Variants in ERG observed in about 807,000 individuals in gnomAD.
The protein encoded by ERG is transcriptional regulator ERG.
In ERG, 9 loss-of-function variants were observed where a neutral mutation model predicts 55.3. The ratio of observed to expected loss-of-function variants is 0.16; its 90% CI spans 0.10 to 0.28. The LOEUF (loss-of-function observed/expected upper bound fraction) is 0.28, where lower values mean the gene tolerates loss of function less well. ERG is among the 10% of genes least tolerant of loss of function. The pLI is 1.00. For missense variants in ERG, 434 were observed against 631.6 expected, an observed-to-expected ratio of 0.69 and a Z score of 3.35; for synonymous variants, 223 against 237.3, an observed-to-expected ratio of 0.94 and a Z score of 0.55.
Position 38,402,578 on chromosome 21 carries a change from A to G in ERG, c.652T>C (p.Leu218=), listed in dbSNP as rs1988548114. 1 of 1,612,842 alleles carries G rather than the reference A, an allele frequency of 6.2e-7. No individual in the cohort carries two copies. Residue 218 remains leucine (L), a synonymous_variant, in exon 5 of 10, where the codon TTA becomes CTA. Transcript: ENST00000288319. ...TTACCTGTGTTTCTAGCATGCATTA[A>G]CCGTGGAGAGTTTTGTAAGGCTTTA... ...VDKALQNSPR[L]MHARNTGGAA...
intron 1 of ERG, among the ~76,000 whole-genome samples, chr21:38,652,827 C>A (rs2060496093): frequency 6.6e-6 from 1 of 152,210 alleles, no homozygotes; most frequent in South Asian, 2.1e-4. Context: ...GCCATGCTGG[C>A]CCAGTTCAAC....
At chr21:38,403,784 G>A (rs558915834) in intron 3 of ERG, 75 bp from the exon 4 acceptor site, 43 of 1,420,214 alleles carry the variant, frequency 3.0e-5, no homozygotes, top group South Asian at 2.5e-4. Context: ...CCCCATCCAC[G>A]TGGGATTTCT....
intron 1 of ERG, among the ~76,000 whole-genome samples, chr21:38,459,439 G>A (rs887153331): frequency 2.6e-5 from 4 of 152,234 alleles, no homozygotes; most frequent in African/African-American, 7.2e-5. Context: ...CAATCTGAGG[G>A]CATGGTTGCC....
At chr21:38,372,615 A>G in the ERG span, among the ~76,000 whole-genome samples, 1 of 151,970 alleles carries the variant, frequency 6.6e-6, no homozygotes, top group African/African-American at 2.4e-5. Flanking sequence ...AAATTTTTCT[A>G]CTTAACTTTT....
At chr21:38,429,744 T>C (rs77000871) in intron 2 of ERG, among the ~76,000 whole-genome samples, 38,269 of 107,484 alleles carry the variant, frequency 0.36, 8,946 homozygotes, top group Middle Eastern at 0.46. Context: ...TGTATATATA[T>C]ATACACACAC....
intron 1 of ERG, among the ~76,000 whole-genome samples, chr21:38,447,308 A>G (rs547807311): frequency 2.1e-4 from 32 of 151,980 alleles, no homozygotes; most frequent in Non-Finnish European, 4.0e-4. Context: ...CCTGGACTCC[A>G]TAAGTATCTG....
chr21:38,607,123 G>C (rs996466309), intron 1 of ERG, among the ~76,000 whole-genome samples: 18 of 152,118 alleles, frequency 1.2e-4, no homozygotes, highest in Non-Finnish European at 2.1e-4. Flanking sequence ...CGCCAGAAGG[G>C]AATAAAATAA....
At chr21:38,645,835 G>C (rs1184626444) in intron 1 of ERG, among the ~76,000 whole-genome samples, 2 of 152,188 alleles carry the variant, frequency 1.3e-5, no homozygotes, top group Non-Finnish European at 2.9e-5. Context: ...GCTCTGTATA[G>C]CCGACTTGTT....
downstream of ERG, among the ~76,000 whole-genome samples, chr21:38,376,674 C>T (rs949390456): frequency 5.3e-5 from 8 of 152,378 alleles, no homozygotes; most frequent in Admixed American, 1.3e-4. Flanking sequence ...TCCTCTGACC[C>T]TAAGCATCAG....
chr21:38,509,601 G>A (rs1284177393), intron 2 of ERG, among the ~76,000 whole-genome samples: 1 of 151,972 alleles, frequency 6.6e-6, no homozygotes, highest in African/African-American at 2.4e-5. Flanking sequence ...CCCTAACTTT[G>A]GTCTTCACTC....
chr21:38,488,613 C>T (rs761661633), intron 1 of ERG, among the ~76,000 whole-genome samples: 2 of 152,162 alleles, frequency 1.3e-5, no homozygotes, highest in Admixed American at 6.5e-5. Context: ...GCACAGAGAA[C>T]AATCTGTGAG....
chr21:38,583,249 G>A (rs2060041067), intron 1 of ERG, among the ~76,000 whole-genome samples: 1 of 152,210 alleles, frequency 6.6e-6, no homozygotes, highest in Admixed American at 6.5e-5. Context: ...CCTGACTGGG[G>A]CAGAGGCCTC....
chr21:38,422,116 G>T, intron 3 of ERG, among the ~76,000 whole-genome samples: 1 of 152,258 alleles, frequency 6.6e-6, no homozygotes, highest in Non-Finnish European at 1.5e-5. Flanking sequence ...GTCACAGGTG[G>T]AGACGAGAGC....
At position 38,445,746 on chromosome 21, in the gene ERG, T is replaced by C. The variant is rs889409568; in HGVS notation, c.19-125A>G. On this transcript the variant is annotated intron_variant, in intron 1 of 9. Transcript: ENST00000288319. The stretch of plus-strand genomic sequence containing the variant: ...TTAGATCGTTTTTATGGTCTCCATT[T>C]CTACCTTTCAGAAGAAAAAAGTAGC... 15 of 702,442 alleles carry C rather than the reference T, an allele frequency of 2.1e-5. No homozygotes were observed. The Admixed American group carries it at 2.5e-4, about 12-fold the overall frequency. 43.5% of individuals were successfully genotyped at this position (702,442 alleles called of 1,614,324 possible).
intron 1 of ERG, among the ~76,000 whole-genome samples, chr21:38,603,722 T>A (rs1165922297): frequency 6.6e-6 from 1 of 152,056 alleles, no homozygotes; most frequent in Non-Finnish European, 1.5e-5. Context: ...GGGCCCCCGA[T>A]AAGGTTTTCA....
rs62219615 is a variant in ERG at position 38,536,473 on chromosome 21, C to T, written c.-41+39189G>A. ...AGCCTCATCTTCTAAGTGAAGCCCT[C>T]CTCTGGGACGTCAGCGTCTCCTCTG... On this transcript the variant is annotated intron_variant, in intron 2 of 8. Transcript: ENST00000398897. Among the ~76,000 whole-genome samples the T allele has an allele frequency of 6.8e-3, 1,043 of 152,294 alleles. 5 individuals carry two copies. The highest frequency in any genetic ancestry group is 0.012 in the Non-Finnish European group (795 of 68,028).
At chr21:38,402,231 C>T (rs1988529926) in intron 5 of ERG, among the ~76,000 whole-genome samples, 1 of 152,120 alleles carries the variant, frequency 6.6e-6, no homozygotes, top group Non-Finnish European at 1.5e-5. Flanking sequence ...ACAGAGTCAG[C>T]ACAGCGAATA....
At chr21:38,556,009 C>T (rs866399470) in intron 2 of ERG, among the ~76,000 whole-genome samples, 2 of 152,164 alleles carry the variant, frequency 1.3e-5, no homozygotes, top group Middle Eastern at 3.4e-3. Flanking sequence ...GGATATTCAA[C>T]ATAGCCCTGT....
intron 1 of ERG, among the ~76,000 whole-genome samples, chr21:38,582,679 G>C (rs1649977610): frequency 6.6e-6 from 1 of 152,206 alleles, no homozygotes; most frequent in African/African-American, 2.4e-5. Flanking sequence ...CACTAAACAA[G>C]TGGTAATCAT....
Sources: allele counts gnomAD v4.1 joint callset (sites outside exome capture counted in the v4.1 genomes callset), GRCh38; gene constraint gnomAD v4.1.1; transcripts MANE v1.5; gene names NCBI Gene and HGNC (gene_info 2026-07-23, HGNC 2026-07-21).